PYGB: variants seen among roughly 807,000 people sequenced by gnomAD.
PYGB encodes the protein glycogen phosphorylase B, also known as glycogen phosphorylase, brain form.
A neutral mutation model predicts 94.3 loss-of-function variants in PYGB; 82 were observed. The observed-to-expected ratio is 0.87, with a 90% CI of 0.73 to 1.04. The LOEUF (loss-of-function observed/expected upper bound fraction) is 1.04, where lower values mean the gene tolerates loss of function less well. PYGB is among the 50% of genes least tolerant of loss of function. The pLI, the probability that PYGB is intolerant of heterozygous loss-of-function variation, is 0.00. For missense variants in PYGB, 1,132 were observed against 1,158.2 expected (o/e 0.98, Z 0.33); for synonymous variants, 488 against 479.1 (o/e 1.02, Z -0.24).
chr20:25,276,456 C>T (rs554371274), intron 5 of PYGB, among the ~76,000 whole-genome samples, 190 bp from the exon 6 acceptor site: 48 of 152,058 alleles, frequency 3.2e-4, no homozygotes, highest in African/African-American at 1.1e-3. Flanking sequence ...AATGTGGGCA[C>T]CACAGGGGAG....
rs1369457283 is a variant in PYGB, at chr20:25,294,777, G to A, written c.2312+485G>A. On this transcript the variant is annotated intron_variant, in intron 18 of 19. Transcript: ENST00000216962. ...AATGTAGTTAGTGTTTTATTTCAGT[G>A]CAGTTAGCACATGGTATGGTTTATC... 4 of 680,134 alleles carry A rather than the reference G, an allele frequency of 5.9e-6. No individual in the cohort carries two copies. The East Asian group carries it at 1.1e-4, about 18-fold the overall frequency. The allele number at this position is 680,134 out of a possible 1,614,324, so 42.1% of individuals were successfully genotyped here. A position where few individuals can be genotyped will look rare whatever the true frequency, so the allele number is the denominator to read the frequency against.
chr20:25,251,804 T>C (rs760990426), intron 1 of PYGB, among the ~76,000 whole-genome samples: 46 of 152,240 alleles, frequency 3.0e-4, no homozygotes, highest in Admixed American at 5.9e-4. Flanking sequence ...CATAAGCTCC[T>C]GGCATGACTA....
chr20:25,282,386 G>A (rs968419851), intron 12 of PYGB, among the ~76,000 whole-genome samples: 2 of 152,250 alleles, frequency 1.3e-5, no homozygotes, highest in Non-Finnish European at 2.9e-5. Context: ...GGGAGGGCTG[G>A]GGTGTGGCTG....
intron 8 of PYGB, 130 bp downstream of exon 8, chr20:25,278,592 A>G (rs2088336356): frequency 3.8e-6 from 5 of 1,314,078 alleles, no homozygotes. Context: ...GGGTCTCGTC[A>G]TTCTGGGCCA....
chr20:25,273,978 G>T (rs889263678), intron 4 of PYGB, among the ~76,000 whole-genome samples: 1 of 152,262 alleles, frequency 6.6e-6, no homozygotes, highest in Admixed American at 6.5e-5. Context: ...TTCCCAGAGT[G>T]CTGGGACTGT....
chr20:25,261,330 A>G (rs989614201), intron 2 of PYGB, among the ~76,000 whole-genome samples: 1 of 152,164 alleles, frequency 6.6e-6, no homozygotes. Context: ...TGCAGTATTC[A>G]CTGTTCTGCA....
At chr20:25,292,651 G>A (rs757205711) in intron 17 of PYGB, 38 bp downstream of exon 17, 1 of 1,594,322 alleles carries the variant, frequency 6.3e-7, no homozygotes, top group Non-Finnish European at 8.5e-7. Flanking sequence ...GCACCGTGAG[G>A]ATGGAGAATG....
chr20:25,276,282 C>T (rs566608142), intron 5 of PYGB, among the ~76,000 whole-genome samples: 6 of 152,010 alleles, frequency 3.9e-5, no homozygotes, highest in East Asian at 1.9e-4. Context: ...AGGGGAGGCG[C>T]GGAGGGCAGA....
chr20:25,280,191 C>T (rs940168636), intron 9 of PYGB, 75 bp from the exon 10 acceptor site: 2 of 1,550,062 alleles, frequency 1.3e-6, no homozygotes. Context: ...CCTGGACGCT[C>T]ACCCTGCCTA....
chr20:25,262,304 G>GA (rs2092915388), intron 2 of PYGB, among the ~76,000 whole-genome samples: 1 of 152,242 alleles, frequency 6.6e-6, no homozygotes, highest in Non-Finnish European at 1.5e-5. Context: ...CAAGCCAGAA[G>GA]AGAGTGGGGG....
At chr20:25,257,426 CAG>C (rs1230793483) in intron 1 of PYGB, among the ~76,000 whole-genome samples, 1 of 152,216 alleles carries the variant, frequency 6.6e-6, no homozygotes. Context: ...CCCTTACAAA[CAG>C]AGATAATCAA....
rs188918838 is a variant in PYGB, at chr20:25,294,827, T to G, written c.2312+535T>G. 8.0e-5 allele frequency: 66 copies of G among 828,386 alleles called. 1 individual carries two copies. Among genetic ancestry groups the G allele is most frequent in the Non-Finnish European group, 1.2e-4 (58 of 477,048 alleles). The allele number at this position is 828,386 out of a possible 1,614,324, so 51.3% of individuals were successfully genotyped here. On this transcript the variant is annotated intron_variant, in intron 18 of 19. Coordinates refer to ENST00000216962, the MANE Select transcript of PYGB (RefSeq NM_002862.4). ...CTAGAGTTACAGACTTTGTAAGGTT[T>G]GCAGCTCAGGGCAGTTCTTCACCGT...
intron 1 of PYGB, 92 bp from the exon 2 acceptor site, chr20:25,259,145 G>A: frequency 8.8e-7 from 1 of 1,134,264 alleles, no homozygotes; most frequent in Non-Finnish European, 1.3e-6. Context: ...AATCCCGAGT[G>A]GGGGCTTGGC....
At position 25,261,627 on chromosome 20, in the gene PYGB, G is replaced by A. The variant is rs577029700; in HGVS notation, c.345+2289G>A. On this transcript the variant is annotated intron_variant, in intron 2 of 19. Transcript: ENST00000216962. ...CGCCAGCAATAGAACAAAGCTGGAC[G>A]GAGGATGACTTTGATGAGTTGAGAG... Among the ~76,000 whole-genome samples, 13 of 152,334 alleles carry A rather than the reference G, an allele frequency of 8.5e-5. No individual in the cohort carries two copies. In the East Asian group the frequency reaches 9.6e-4, roughly 11 times the overall value.
intron 7 of PYGB, among the ~76,000 whole-genome samples, chr20:25,277,620 G>A (rs183831200): frequency 8.5e-5 from 13 of 152,258 alleles, no homozygotes; most frequent in East Asian, 3.9e-4. Context: ...ACACACAGCC[G>A]CTCCTTGGGG....
chr20:25,262,082 C>T (rs59001189), intron 2 of PYGB, among the ~76,000 whole-genome samples: 3,159 of 152,250 alleles, frequency 0.021, 100 homozygotes, highest in African/African-American at 0.071. Context: ...AGAACTTCCC[C>T]AACCTAGCAA....
At chr20:25,250,133 G>T (rs1379597286) in intron 1 of PYGB, among the ~76,000 whole-genome samples, 1 of 152,204 alleles carries the variant, frequency 6.6e-6, no homozygotes, top group Non-Finnish European at 1.5e-5. Context: ...ACAGGCGTGA[G>T]CCAACGCACC....
At chr20:25,285,790 C>T (rs2088412961) in intron 14 of PYGB, among the ~76,000 whole-genome samples, 1 of 152,120 alleles carries the variant, frequency 6.6e-6, no homozygotes, top group African/African-American at 2.4e-5. Flanking sequence ...TCCTCCTGTC[C>T]CCAGCTGTAT....
At chr20:25,265,717 C>T (rs1600725886) in intron 2 of PYGB, among the ~76,000 whole-genome samples, 1 of 151,672 alleles carries the variant, frequency 6.6e-6, no homozygotes, top group African/African-American at 2.4e-5. Flanking sequence ...ACCTCAGTCT[C>T]CCGAGTAGCT....
Sources: gnomAD v4.1 joint callset for allele counts (sites outside exome capture counted in the v4.1 genomes callset) on GRCh38, gnomAD v4.1.1 for gene constraint, MANE v1.5 for transcripts, NCBI Gene and HGNC (gene_info 2026-07-23, HGNC 2026-07-21) for gene names.